The following RARB variants were observed in gnomAD, a reference collection of about 807,000 sequenced individuals.
RARB encodes HBV-activated protein.
In RARB, 17 loss-of-function variants were observed where a neutral mutation model predicts 51.9. The ratio of observed to expected loss-of-function variants is 0.33; its 90% CI spans 0.22 to 0.49. RARB has a LOEUF of 0.49. Ranked by LOEUF, RARB falls within the 20% of genes least tolerant of loss-of-function variation. The pLI is 0.99. For missense variants in RARB, 369 were observed against 550.8 expected (o/e 0.67, Z 3.30); for synonymous variants, 215 against 195.4 (o/e 1.10, Z -0.84).
chr3:25,196,555 A>G lies in RARB; in HGVS notation c.178+21980A>G, dbSNP rs192256940. Among the ~76,000 whole-genome samples the G allele has an allele frequency of 1.1e-3, 171 of 152,156 alleles. 1 individual carries two copies. Among genetic ancestry groups the G allele is most frequent in the Non-Finnish European group, 2.1e-4 (14 of 67,948 alleles). ...TACGTGGGCATGTGTCTTTATAGCA[A>G]CATGATTTATAATCCTTTGGGTATA... On this transcript the variant is annotated intron_variant, in intron 5 of 11. Transcript: ENST00000383772.
intron 5 of RARB, among the ~76,000 whole-genome samples, chr3:25,415,298 T>C (rs1178875949): frequency 6.6e-6 from 1 of 152,214 alleles, no homozygotes; most frequent in Non-Finnish European, 1.5e-5. Context: ...AATTTTCTCC[T>C]ATTTTCTTCT....
At chr3:24,973,055 C>T (rs1575099103) in intron 2 of RARB, among the ~76,000 whole-genome samples, 1 of 152,004 alleles carries the variant, frequency 6.6e-6, no homozygotes, top group African/African-American at 2.4e-5. Context: ...TTTGCCCAGA[C>T]CAACGTCCTG....
chr3:25,382,127 G>A (rs1467688340), intron 5 of RARB, among the ~76,000 whole-genome samples: 4 of 152,240 alleles, frequency 2.6e-5, no homozygotes, highest in African/African-American at 4.8e-5. Flanking sequence ...GGCTCAAAGA[G>A]TAGGAGTCCA....
intron 1 of RARB, among the ~76,000 whole-genome samples, chr3:25,453,948 G>T (rs1694754354): frequency 6.6e-6 from 1 of 152,188 alleles, no homozygotes; most frequent in African/African-American, 2.4e-5. Flanking sequence ...TTTCAAAGCA[G>T]AGTTTTTCTT....
At chr3:25,316,972 A>T (rs1377160813) in intron 5 of RARB, among the ~76,000 whole-genome samples, 1 of 152,172 alleles carries the variant, frequency 6.6e-6, no homozygotes, top group Admixed American at 6.6e-5. Flanking sequence ...TAGCCAACCA[A>T]GGTCCTCTGC....
intron 4 of RARB, among the ~76,000 whole-genome samples, chr3:25,171,566 CA>C (rs1321024955): frequency 8.6e-6 from 1 of 116,106 alleles, no homozygotes; most frequent in African/African-American, 3.3e-5. Flanking sequence ...TGACAATCTG[CA>C]GCGTTTGAAA....
At chr3:24,899,116 C>T (rs1703542436) in intron 2 of RARB, among the ~76,000 whole-genome samples, 2 of 152,182 alleles carry the variant, frequency 1.3e-5, no homozygotes, top group Non-Finnish European at 2.9e-5. Flanking sequence ...GGACCAGTGA[C>T]TTAATTTTCG....
intron 3 of RARB, among the ~76,000 whole-genome samples, chr3:25,554,148 G>C (rs957383660): frequency 4.0e-5 from 6 of 150,932 alleles, no homozygotes; most frequent in Admixed American, 1.3e-4. Context: ...CCGAGAGAAA[G>C]TATCTGTGCG....
intron 2 of RARB, among the ~76,000 whole-genome samples, chr3:24,906,190 G>A (rs1694860231): frequency 6.6e-6 from 1 of 152,166 alleles, no homozygotes; most frequent in Non-Finnish European, 1.5e-5. Flanking sequence ...GTTTTAGAAA[G>A]CTTGCTGTAG....
At chr3:25,008,796 C>T (rs1697331483) in intron 2 of RARB, among the ~76,000 whole-genome samples, 1 of 152,092 alleles carries the variant, frequency 6.6e-6, no homozygotes, top group Admixed American at 6.6e-5. Context: ...GCCCTTGAGA[C>T]ATTTAATATG....
chr3:25,115,217 A>C (rs1699666153), intron 3 of RARB, among the ~76,000 whole-genome samples: 2 of 152,308 alleles, frequency 1.3e-5, no homozygotes, highest in South Asian at 2.1e-4. Context: ...TACTTAAAAA[A>C]ACTGTCTACC....
intron 5 of RARB, among the ~76,000 whole-genome samples, chr3:25,256,701 G>T (rs183145957): frequency 6.6e-6 from 1 of 151,968 alleles, no homozygotes; most frequent in Admixed American, 6.6e-5. Flanking sequence ...GAAATTCTAC[G>T]TAATCAGTGG....
At chr3:24,929,616 C>T (rs912877593) in intron 2 of RARB, among the ~76,000 whole-genome samples, 1 of 152,066 alleles carries the variant, frequency 6.6e-6, no homozygotes, top group Non-Finnish European at 1.5e-5. Context: ...ATGCTAGATT[C>T]TGAAGATGTA....
intron 4 of RARB, among the ~76,000 whole-genome samples, chr3:25,163,504 A>AAAAAAAAAAAAAAAAAAATATATATAT (rs1303712411): frequency 1.5e-5 from 2 of 131,096 alleles, no homozygotes; most frequent in African/African-American, 6.4e-5. Flanking sequence ...CCTATCTCAA[A>AAAAAAAAAAAAAAAAAAATATATATAT]ATATATATAT....
chr3:25,194,492 T>C lies in RARB; in HGVS notation c.178+19917T>C, dbSNP rs553104522. 7.6e-4 allele frequency among the ~76,000 whole-genome samples: 115 copies of C among 150,504 alleles called. 1 individual carries two copies. The highest frequency in any genetic ancestry group is 1.7e-3 in the Admixed American group (25 of 14,986). ...ATACAGTAGTGTGTATATATATATA[T>C]ACACACACATAGTGATATATATATG... On this transcript the variant is annotated intron_variant, in intron 5 of 11. Coordinates refer to the RARB transcript ENST00000383772.
intron 5 of RARB, among the ~76,000 whole-genome samples, chr3:25,217,981 T>G (rs9856563): frequency 1.3e-5 from 2 of 151,848 alleles, no homozygotes. Flanking sequence ...TCTCTTTTTT[T>G]AAAAAAAATT....
At position 24,996,608 on chromosome 3, in the gene RARB, A is replaced by G. The variant is rs76410040; in HGVS notation, c.-379-63517A>G. ...ATTTATTGCTATAAACTTGCCTCTT[A>G]ATATAGCTTTTGCTGTATCCCATAG... On this transcript the variant is annotated intron_variant, in intron 2 of 11. Transcript: ENST00000383772. Among the ~76,000 whole-genome samples, 866 of 150,988 alleles carry G rather than the reference A, an allele frequency of 5.7e-3. 4 individuals are homozygous for G. The highest frequency in any genetic ancestry group is 0.02 in the African/African-American group (828 of 40,936).
chr3:24,874,713 C>T (rs1387589944), intron 2 of RARB, among the ~76,000 whole-genome samples: 1 of 151,620 alleles, frequency 6.6e-6, no homozygotes, highest in African/African-American at 2.4e-5. Context: ...GAGTAAATGT[C>T]ATGTAACTGG....
At chr3:24,875,782 AT>A (rs1225875360) in intron 2 of RARB, among the ~76,000 whole-genome samples, 9 of 152,072 alleles carry the variant, frequency 5.9e-5, no homozygotes, top group South Asian at 4.1e-4. Context: ...CCTTATTCAA[AT>A]TTTACCAGTT....
Sources: allele counts gnomAD v4.1 joint callset (sites outside exome capture counted in the v4.1 genomes callset), GRCh38; gene constraint gnomAD v4.1.1; transcripts MANE v1.5; gene names NCBI Gene and HGNC (gene_info 2026-07-23, HGNC 2026-07-21).